Variants in XRCC2 observed in about 807,000 individuals in gnomAD.
The protein encoded by XRCC2 is X-ray repair cross complementing 2, also known as DNA repair protein XRCC2.
A neutral mutation model predicts 27.3 loss-of-function variants in XRCC2; 24 were observed. That is an observed-to-expected ratio of 0.88 (90% CI 0.64 to 1.24). The LOEUF (loss-of-function observed/expected upper bound fraction) is 1.24, where lower values mean the gene tolerates loss of function less well. XRCC2 is among the 50% of genes most tolerant of loss of function. The pLI, the probability that XRCC2 is intolerant of heterozygous loss-of-function variation, is 0.00. For synonymous variants in XRCC2, 106 were observed against 115.4 expected (o/e 0.92, Z 0.52); for missense variants, 321 against 325.8 (o/e 0.99, Z 0.11).
At chr7:152,649,848 CTG>C (rs2098027743) in intron 2 of XRCC2, among the ~76,000 whole-genome samples, 1 of 152,204 alleles carries the variant, frequency 6.6e-6, no homozygotes, top group Non-Finnish European at 1.5e-5. Flanking sequence ...AGGCTGCTCT[CTG>C]TTGATGATTC....
rs1060502670 is a variant in XRCC2 at position 152,648,970 on chromosome 7, G to A, written c.515C>T (p.Thr172Ile). The part of the protein sequence containing the change: ...GGESVNLQES[T>I]LRKCSQCLEK... Reference sequence around the variant, plus strand: ...TAAGCACTGAGAACATTTCCTCAGAGTAGACTCCTGTAAGTTCACACTTTC... The same window carrying A: ...TAAGCACTGAGAACATTTCCTCAGAATAGACTCCTGTAAGTTCACACTTTC... Residue 172 changes from threonine (T) to isoleucine (I), a missense_variant, in exon 3 of 3, where the codon ACT becomes ATT. Coordinates refer to ENST00000359321, the MANE Select transcript of XRCC2 (RefSeq NM_005431.2). The A allele has an allele frequency of 6.2e-7, 1 of 1,614,230 alleles. No homozygotes were observed.
At chr7:152,667,422 A>G (rs1037211148) in intron 1 of XRCC2, among the ~76,000 whole-genome samples, 14 of 65,562 alleles carry the variant, frequency 2.1e-4, no homozygotes, top group Admixed American at 1.0e-3. Context: ...AAAAAAAAAA[A>G]AAAAGAAAAA....
chr7:152,669,126 C>T (rs3218415), intron 1 of XRCC2, among the ~76,000 whole-genome samples: 2,009 of 152,188 alleles, frequency 0.013, 43 homozygotes, highest in African/African-American at 0.046. Context: ...CACCTGTCAT[C>T]CAAGCACTTT....
intron 1 of XRCC2, among the ~76,000 whole-genome samples, chr7:152,665,486 C>CATTT (rs1563032158): frequency 2.8e-5 from 1 of 35,786 alleles, no homozygotes; most frequent in South Asian, 1.4e-3. Context: ...GTAAGACAAA[C>CATTT]CTTTTTTTTT....
At position 152,648,423 on chromosome 7, in the gene XRCC2, AAAAAAG is replaced by A. The variant is rs981069834; in HGVS notation, c.*213_*218del. ...AGACTGTTTCAAAAAGAAAAAAAAAAAAAAAGAAAACTTTTGGCCACGAGCAGTGGC... is the reference window on the plus strand; with the variant it reads ...AGACTGTTTCAAAAAGAAAAAAAAAAAAAACTTTTGGCCACGAGCAGTGGC... On this transcript the variant is annotated 3_prime_UTR_variant, in exon 3 of 3. Coordinates refer to ENST00000359321, the MANE Select transcript of XRCC2 (RefSeq NM_005431.2). 2 of 364,984 alleles carry A rather than the reference AAAAAAG, an allele frequency of 5.5e-6. No individual in the cohort carries two copies. The highest frequency in any genetic ancestry group is 4.2e-5 in the African/African-American group (2 of 47,596). 22.6% of individuals were successfully genotyped at this position (364,984 alleles called of 1,614,324 possible).
chr7:152,662,881 AT>A (rs1229161561), intron 1 of XRCC2, among the ~76,000 whole-genome samples: 13 of 152,152 alleles, frequency 8.5e-5, no homozygotes, highest in African/African-American at 2.9e-4. Context: ...CCTTATTTGC[AT>A]TTTTTTAAAC....
chr7:152,648,447 G>T lies in XRCC2; in HGVS notation c.*195C>A. ...AAAAAAAGAAAACTTTTGGCCACGA[G>T]CAGTGGCTCACGCCTGTAATCCCTG... On this transcript the variant is annotated 3_prime_UTR_variant, in exon 3 of 3. Coordinates refer to ENST00000359321, the MANE Select transcript of XRCC2 (RefSeq NM_005431.2). The T allele has an allele frequency of 2.3e-6, 1 of 441,178 alleles. No homozygotes were observed. The highest frequency in any genetic ancestry group is 3.8e-6 in the Non-Finnish European group (1 of 262,630). 27.3% of individuals were successfully genotyped at this position (441,178 alleles called of 1,614,324 possible).
chr7:152,664,998 CACGA>C (rs2117003911), intron 1 of XRCC2, among the ~76,000 whole-genome samples: 1 of 152,196 alleles, frequency 6.6e-6, no homozygotes, highest in South Asian at 2.1e-4. Context: ...AATTGCCCTA[CACGA>C]GCATGCACAG....
chr7:152,662,112 C>G (rs1022357983), intron 1 of XRCC2, among the ~76,000 whole-genome samples: 2 of 151,980 alleles, frequency 1.3e-5, no homozygotes, highest in African/African-American at 4.8e-5. Flanking sequence ...TTACAGGCAC[C>G]CACCACCACG....
At chr7:152,651,160 G>C (rs1357187153) in intron 2 of XRCC2, among the ~76,000 whole-genome samples, 2 of 151,976 alleles carry the variant, frequency 1.3e-5, no homozygotes, top group Non-Finnish European at 2.9e-5. Context: ...GGCTGGTCTC[G>C]AACTCCTGAC....
intron 2 of XRCC2, among the ~76,000 whole-genome samples, chr7:152,650,070 G>T (rs1311638438): frequency 1.3e-5 from 2 of 152,204 alleles, no homozygotes; most frequent in Non-Finnish European, 1.5e-5. Flanking sequence ...CTCCACCTGG[G>T]CAAGCCACTA....
In XRCC2 at chr7:152,648,958, C is replaced by A. The variant is rs753169131; in HGVS notation, c.527G>T (p.Cys176Phe). The A allele has an allele frequency of 6.2e-7, 1 of 1,614,216 alleles. No homozygotes were observed. Among genetic ancestry groups the A allele is most frequent in the Non-Finnish European group, 8.5e-7 (1 of 1,180,042 alleles). ...VNLQESTLRK[C>F]SQCLEKLVND... ...TACAAGCTTCTCTAAGCACTGAGAA[C>A]ATTTCCTCAGAGTAGACTCCTGTAA... Residue 176 changes from cysteine to phenylalanine, a missense_variant, in exon 3 of 3, where the codon TGT (cysteine) becomes TTT (phenylalanine). Transcript: ENST00000359321.
chr7:152,662,611 C>T (rs1161696571), intron 1 of XRCC2, among the ~76,000 whole-genome samples: 2 of 119,164 alleles, frequency 1.7e-5, no homozygotes, highest in Non-Finnish European at 3.2e-5. Flanking sequence ...CTCGCTCTGT[C>T]GCCCAGGCTG....
intron 2 of XRCC2, among the ~76,000 whole-genome samples, chr7:152,658,598 T>A (rs2098031747): frequency 6.6e-6 from 1 of 152,196 alleles, no homozygotes; most frequent in Admixed American, 6.6e-5. Flanking sequence ...TTCCCCCGCC[T>A]CCCCAGCTCC....
At chr7:152,671,901 C>T (rs552127081) in intron 1 of XRCC2, among the ~76,000 whole-genome samples, 12 of 152,062 alleles carry the variant, frequency 7.9e-5, no homozygotes, top group South Asian at 2.1e-4. Context: ...ATTAGCCAGG[C>T]GTAGTGGTGT....
chr7:152,672,581 G>GA (rs2117010567), intron 1 of XRCC2, among the ~76,000 whole-genome samples: 1 of 152,290 alleles, frequency 6.6e-6, no homozygotes, highest in Non-Finnish European at 1.5e-5. Context: ...GCTCCTGGCA[G>GA]AACCAAGGTT....
chr7:152,665,487 C>CTTTTTTTTTTT (rs66692067), intron 1 of XRCC2, among the ~76,000 whole-genome samples: 1 of 84,328 alleles, frequency 1.2e-5, no homozygotes, highest in Non-Finnish European at 2.2e-5. Flanking sequence ...TAAGACAAAC[C>CTTTTTTTTTTT]TTTTTTTTTT....
chr7:152,652,450 C>T (rs2098028956), intron 2 of XRCC2, among the ~76,000 whole-genome samples: 1 of 152,072 alleles, frequency 6.6e-6, no homozygotes, highest in African/African-American at 2.4e-5. Flanking sequence ...TCTCCTGCTC[C>T]CATAGAGGCA....
At chr7:152,650,239 A>G (rs915486099) in intron 2 of XRCC2, among the ~76,000 whole-genome samples, 2 of 152,324 alleles carry the variant, frequency 1.3e-5, no homozygotes, top group South Asian at 4.1e-4. Context: ...GCATCCTTCA[A>G]CTGAAAACAA....
Sources: gnomAD v4.1 joint callset for allele counts (sites outside exome capture counted in the v4.1 genomes callset) on GRCh38, gnomAD v4.1.1 for gene constraint, MANE v1.5 for transcripts, NCBI Gene and HGNC (gene_info 2026-07-23, HGNC 2026-07-21) for gene names.